ZFPM2: variants seen among roughly 807,000 people sequenced by gnomAD.
ZFPM2 encodes zinc finger protein ZFPM2.
Under a neutral mutation model 98.6 loss-of-function variants are expected in ZFPM2, and 20 were observed. The ratio of observed to expected loss-of-function variants is 0.20; its 90% confidence interval spans 0.14 to 0.29. The LOEUF is 0.29. Among genes scored for constraint, ZFPM2 ranks in the 10% least tolerant of loss-of-function variants. ZFPM2 has a pLI of 1.00. For missense variants in ZFPM2, 1,310 were observed against 1,388.6 expected (o/e 0.94, Z 0.90); for synonymous variants, 518 against 502.7 (o/e 1.03, Z -0.41).
chr8:105,593,495 A>AC (rs528395337), intron 4 of ZFPM2, among the ~76,000 whole-genome samples: 103 of 152,226 alleles, frequency 6.8e-4, no homozygotes, highest in African/African-American at 2.4e-3. Context: ...GTACTTATTA[A>AC]TAAAGATTTG....
chr8:105,572,140 C>T (rs892820991), intron 4 of ZFPM2, among the ~76,000 whole-genome samples: 12 of 148,622 alleles, frequency 8.1e-5, no homozygotes, highest in African/African-American at 2.5e-4. Context: ...CGGGTTCATG[C>T]CATTCTCCTG....
At chr8:105,575,292 G>A (rs1815440568) in intron 4 of ZFPM2, among the ~76,000 whole-genome samples, 1 of 152,146 alleles carries the variant, frequency 6.6e-6, no homozygotes. Flanking sequence ...CCCTGTGGCA[G>A]GGTTTTGTGA....
chr8:105,784,123 C>T (rs1262887965), intron 5 of ZFPM2, among the ~76,000 whole-genome samples: 2 of 151,994 alleles, frequency 1.3e-5, no homozygotes, highest in Non-Finnish European at 2.9e-5. Flanking sequence ...TACAAGATAC[C>T]AACATAGCTA....
chr8:105,407,690 G>T (rs1044251220), intron 1 of ZFPM2, among the ~76,000 whole-genome samples: 1 of 151,936 alleles, frequency 6.6e-6, no homozygotes, highest in Non-Finnish European at 1.5e-5. Flanking sequence ...AGTAGCTGCT[G>T]ATGAGAACCT....
intron 3 of ZFPM2, among the ~76,000 whole-genome samples, chr8:105,499,075 C>T (rs189332519): frequency 2.0e-5 from 3 of 152,206 alleles, no homozygotes; most frequent in African/African-American, 7.2e-5. Context: ...CATAGTTTGC[C>T]TCAGCCTCTT....
At chr8:105,504,968 G>GT (rs1554612299) in intron 3 of ZFPM2, among the ~76,000 whole-genome samples, 2 of 152,128 alleles carry the variant, frequency 1.3e-5, no homozygotes, top group African/African-American at 2.4e-5. Flanking sequence ...ATGATTACCA[G>GT]TTTTTTTCTG....
At position 105,343,065 on chromosome 8, in the gene ZFPM2, CA is replaced by C. The variant is rs375326368; in HGVS notation, c.40+24086del. The stretch of plus-strand genomic sequence containing the variant: ...TGGTTCAGTGGGAAACATGAATTAA[CA>C]AGATCAGGTTGCAAAGCTCTGTGTA... On this transcript the variant is annotated intron_variant, in intron 1 of 7. Transcript: ENST00000407775. 3.5e-4 allele frequency among the ~76,000 whole-genome samples: 53 copies of C among 152,156 alleles called. 1 individual carries two copies. The highest frequency in any genetic ancestry group is 9.4e-4 in the African/African-American group (39 of 41,536).
intron 5 of ZFPM2, among the ~76,000 whole-genome samples, chr8:105,706,575 G>A (rs1383701596): frequency 6.6e-6 from 1 of 151,900 alleles, no homozygotes; most frequent in African/African-American, 2.4e-5. Flanking sequence ...GATTCCTCTT[G>A]TTTCTTGTTT....
intron 5 of ZFPM2, among the ~76,000 whole-genome samples, chr8:105,724,149 T>C (rs1811744139): frequency 6.6e-6 from 1 of 151,864 alleles, no homozygotes; most frequent in African/African-American, 2.4e-5. Flanking sequence ...CTTATAGCAA[T>C]CCTGCACTCA....
chr8:105,774,083 A>G (rs1330797791), intron 5 of ZFPM2, among the ~76,000 whole-genome samples: 1 of 152,154 alleles, frequency 6.6e-6, no homozygotes, highest in African/African-American at 2.4e-5. Flanking sequence ...TTCAAGGAAC[A>G]TAGTCACGTG....
intron 5 of ZFPM2, among the ~76,000 whole-genome samples, chr8:105,639,270 C>T (rs928969826): frequency 1.3e-5 from 2 of 151,930 alleles, no homozygotes; most frequent in Admixed American, 6.6e-5. Context: ...TAGAATTTTA[C>T]GTTTTGAGGA....
chr8:105,763,005 AAT>A (rs1212676978), intron 5 of ZFPM2, among the ~76,000 whole-genome samples: 1 of 151,576 alleles, frequency 6.6e-6, no homozygotes, highest in African/African-American at 2.4e-5. Context: ...ATATTTATAG[AAT>A]ATATAGAGAA....
intron 3 of ZFPM2, among the ~76,000 whole-genome samples, chr8:105,540,473 G>A (rs1009418341): frequency 6.6e-6 from 1 of 152,060 alleles, no homozygotes; most frequent in Non-Finnish European, 1.5e-5. Flanking sequence ...ACTACAAAAT[G>A]TTAGCTATGA....
chr8:105,407,634 G>A (rs1811488789), intron 1 of ZFPM2, among the ~76,000 whole-genome samples: 1 of 151,914 alleles, frequency 6.6e-6, no homozygotes, highest in African/African-American at 2.4e-5. Context: ...CTTGAGGAAA[G>A]GGATGTGCAT....
At position 105,444,341 on chromosome 8, in the gene ZFPM2, G is replaced by A. The variant is rs755810063; in HGVS notation, c.261G>A (p.Pro87=). 1.2e-5 allele frequency: 19 copies of A among 1,612,218 alleles called. No homozygotes were observed. The highest frequency in any genetic ancestry group is 2.2e-5 in the East Asian group (1 of 44,844). The part of the protein sequence containing the change: ...ESDGDTQSEK[P]GQPGVETDDW... ...ATGGGGACACACAGTCAGAGAAACC[G>A]GGGCAACCTGGAGTTGAGACAGACG... is the stretch of plus-strand genomic sequence containing the variant. The change falls in exon 3 of 8, where the codon CCG becomes CCA. Residue 87 remains proline (P), a synonymous_variant. Coordinates refer to ENST00000407775, the MANE Select transcript of ZFPM2 (RefSeq NM_012082.4).
intron 5 of ZFPM2, among the ~76,000 whole-genome samples, chr8:105,733,456 G>C (rs748900823): frequency 6.6e-6 from 1 of 151,760 alleles, no homozygotes; most frequent in Non-Finnish European, 1.5e-5. Context: ...CATAAAATTT[G>C]AATGTCTACA....
intron 1 of ZFPM2, among the ~76,000 whole-genome samples, chr8:105,326,567 T>C (rs1812118687): frequency 6.6e-6 from 1 of 151,728 alleles, no homozygotes; most frequent in African/African-American, 2.4e-5. Context: ...AAAACTCTTT[T>C]TATAACCTGC....
Position 105,642,868 on chromosome 8 carries a change from G to A in ZFPM2, c.532+8511G>A, listed in dbSNP as rs560307822. Among the ~76,000 whole-genome samples, 163 of 152,282 alleles carry A rather than the reference G, an allele frequency of 1.1e-3. 2 individuals are homozygous for A. Among genetic ancestry groups the A allele is most frequent in the Non-Finnish European group, 1.0e-3 (71 of 68,020 alleles). On this transcript the variant is annotated intron_variant, in intron 5 of 7. Transcript: ENST00000407775. ...GTATCAGTTTGAGTAATGGGGTGAA[G>A]GCTTTTAAGGAGGTTAAAATGTGTG...
intron 6 of ZFPM2, among the ~76,000 whole-genome samples, chr8:105,797,549 C>A (rs1448172701): frequency 2.6e-5 from 4 of 152,156 alleles, no homozygotes; most frequent in African/African-American, 9.7e-5. Flanking sequence ...TGAGAGTCTG[C>A]AATTCTTTCA....
Sources: allele counts gnomAD v4.1 joint callset (sites outside exome capture counted in the v4.1 genomes callset), GRCh38; gene constraint gnomAD v4.1.1; transcripts MANE v1.5; gene names NCBI Gene and HGNC (gene_info 2026-07-23, HGNC 2026-07-21).